IL1RAPL1: variants seen among roughly 807,000 people sequenced by gnomAD.
IL1RAPL1 encodes the protein interleukin 1 receptor accessory protein like 1.
IL1RAPL1 carries 3 observed loss-of-function variants against 48.4 expected under a neutral mutation model. That is an observed-to-expected ratio of 0.06 (90% CI 0.03 to 0.16). The LOEUF (loss-of-function observed/expected upper bound fraction) is 0.16, where lower values mean the gene tolerates loss of function less well. Among genes scored for constraint, IL1RAPL1 ranks in the 10% least tolerant of loss-of-function variants. IL1RAPL1 has a pLI of 1.00. For missense variants in IL1RAPL1, 349 were observed against 530.6 expected, an observed-to-expected ratio of 0.66 and a Z score of 3.36; for synonymous variants, 185 against 187.7, an observed-to-expected ratio of 0.99 and a Z score of 0.12.
chrX:28,909,502 T>G (rs2147331067), intron 2 of IL1RAPL1, among the ~76,000 whole-genome samples: 1 of 111,524 alleles, frequency 9.0e-6, no homozygotes, highest in African/African-American at 3.2e-5. Flanking sequence ...CCTCCTTATT[T>G]CCTTTTTATA....
chrX:28,785,127 T>C (rs1264990465), intron 1 of IL1RAPL1, among the ~76,000 whole-genome samples: 1 of 111,905 alleles, frequency 8.9e-6, no homozygotes, highest in East Asian at 2.8e-4. Flanking sequence ...CTGATACCAG[T>C]TGTCTTTTTT....
At chrX:29,020,532 A>C (rs1926340050) in intron 2 of IL1RAPL1, among the ~76,000 whole-genome samples, 1 of 112,261 alleles carries the variant, frequency 8.9e-6, no homozygotes, top group East Asian at 2.8e-4. Context: ...ATTCTCTGTG[A>C]TATTCACATG....
chrX:29,802,925 A>ATGTG (rs1569173147), intron 6 of IL1RAPL1, among the ~76,000 whole-genome samples: 9 of 52,552 alleles, frequency 1.7e-4, no homozygotes, highest in African/African-American at 7.1e-4. Flanking sequence ...GTACATATAT[A>ATGTG]CATATATGTG....
At chrX:29,274,769 T>C (rs1015911194) in intron 2 of IL1RAPL1, among the ~76,000 whole-genome samples, 4 of 111,376 alleles carry the variant, frequency 3.6e-5, no homozygotes, top group African/African-American at 9.8e-5. Context: ...ACAACACTTA[T>C]CTCTCGCCTT....
At chrX:29,258,682 C>T (rs1229401967) in intron 2 of IL1RAPL1, among the ~76,000 whole-genome samples, 1 of 110,820 alleles carries the variant, frequency 9.0e-6, no homozygotes, top group African/African-American at 3.3e-5. Flanking sequence ...AACATTCCCC[C>T]ACAGAGGCTC....
intron 6 of IL1RAPL1, among the ~76,000 whole-genome samples, chrX:29,743,002 A>G (rs928721633): frequency 9.1e-5 from 10 of 110,465 alleles, no homozygotes; most frequent in African/African-American, 2.6e-4. Flanking sequence ...CCTTCACTTG[A>G]AAGTGTGTTA....
intron 6 of IL1RAPL1, among the ~76,000 whole-genome samples, chrX:29,827,241 C>T: frequency 8.9e-6 from 1 of 112,255 alleles, no homozygotes; most frequent in Non-Finnish European, 1.9e-5. Flanking sequence ...TTACTCCTAG[C>T]AAATAGAATA....
intron 2 of IL1RAPL1, among the ~76,000 whole-genome samples, chrX:29,008,142 C>T (rs901354962): frequency 9.1e-6 from 1 of 109,891 alleles, no homozygotes; most frequent in Non-Finnish European, 1.9e-5. Context: ...GCTGAGATTA[C>T]AGGTGTGCAG....
intron 6 of IL1RAPL1, among the ~76,000 whole-genome samples, chrX:29,794,283 A>C (rs1166701690): frequency 3.6e-5 from 4 of 112,156 alleles, no homozygotes; most frequent in Non-Finnish European, 7.5e-5. Context: ...GTTAAAAAAA[A>C]AGATACTTTA....
intron 2 of IL1RAPL1, among the ~76,000 whole-genome samples, chrX:29,244,349 T>C (rs1442509137): frequency 8.9e-6 from 1 of 112,258 alleles, no homozygotes; most frequent in Admixed American, 9.5e-5. Flanking sequence ...TCAAAGCACT[T>C]GAACAAAGTA....
At chrX:29,211,096 A>T (rs1930760744) in intron 2 of IL1RAPL1, among the ~76,000 whole-genome samples, 1 of 94,941 alleles carries the variant, frequency 1.1e-5, no homozygotes, top group Non-Finnish European at 2.2e-5. Context: ...ACACAGAGTG[A>T]GAGAGAGAGA....
Position 28,725,475 on chromosome X carries a change from A to G in IL1RAPL1, c.-24-63845A>G, listed in dbSNP as rs1439844031. ...TTATTACCGGGTAATTATGATAGATATAACTCAGAATACGCATAGGTCAAG... is the reference window on the plus strand; with the variant it reads ...TTATTACCGGGTAATTATGATAGATGTAACTCAGAATACGCATAGGTCAAG... On this transcript the variant is annotated intron_variant, in intron 1 of 10. Coordinates refer to ENST00000378993, the MANE Select transcript of IL1RAPL1 (RefSeq NM_014271.4). 3.6e-5 allele frequency among the ~76,000 whole-genome samples: 4 copies of G among 111,988 alleles called. No homozygotes were observed. In the Admixed American group the frequency reaches 3.8e-4, roughly 11 times the overall value.
At chrX:29,490,464 C>T (rs988292384) in intron 5 of IL1RAPL1, among the ~76,000 whole-genome samples, 1 of 110,973 alleles carries the variant, frequency 9.0e-6, no homozygotes, top group Non-Finnish European at 1.9e-5. Context: ...ACTGGGGAGG[C>T]AGAGGTTACA....
intron 6 of IL1RAPL1, among the ~76,000 whole-genome samples, chrX:29,899,607 G>A (rs1422301754): frequency 3.7e-5 from 4 of 107,213 alleles, no homozygotes; most frequent in East Asian, 2.9e-4. Context: ...GCAGTGGCGC[G>A]ATCTCGGCTC....
In IL1RAPL1 at chrX:29,392,151, C is replaced by T. The variant is rs1933862112; in HGVS notation, c.363-4107C>T. Among the ~76,000 whole-genome samples the T allele has an allele frequency of 2.7e-5, 3 of 112,125 alleles. No homozygotes were observed. In the Admixed American group the frequency reaches 2.8e-4, roughly 11 times the overall value. Reference sequence around the variant, plus strand: ...CTCTGCCTGTATGCATGTCCTGTCTCTCTAGCCATTTTATAAATACTGAAA... The same window carrying T: ...CTCTGCCTGTATGCATGTCCTGTCTTTCTAGCCATTTTATAAATACTGAAA... On this transcript the variant is annotated intron_variant, in intron 3 of 10. Coordinates refer to ENST00000378993, the MANE Select transcript of IL1RAPL1 (RefSeq NM_014271.4).
At chrX:29,267,458 A>G (rs1250872898) in intron 2 of IL1RAPL1, among the ~76,000 whole-genome samples, 1 of 112,138 alleles carries the variant, frequency 8.9e-6, no homozygotes, top group Non-Finnish European at 1.9e-5. Context: ...AGTGGTAAAA[A>G]CAACACACAT....
intron 1 of IL1RAPL1, among the ~76,000 whole-genome samples, chrX:28,593,213 A>C (rs931967786): frequency 8.1e-5 from 9 of 111,343 alleles, no homozygotes; most frequent in African/African-American, 2.9e-4. Context: ...CCTTGTGTAG[A>C]CACAATATTC....
At chrX:28,939,542 G>A (rs770330949) in intron 2 of IL1RAPL1, among the ~76,000 whole-genome samples, 2 of 110,588 alleles carry the variant, frequency 1.8e-5, no homozygotes, top group Admixed American at 1.9e-4. Context: ...AGGGTGGAGG[G>A]TGGGAAGAGA....
intron 3 of IL1RAPL1, among the ~76,000 whole-genome samples, chrX:29,334,753 G>A (rs1932955926): frequency 8.8e-6 from 1 of 113,274 alleles, no homozygotes. Context: ...CTTCCTAGAT[G>A]GGATGGCGGC....
Sources: gnomAD v4.1 joint callset for allele counts (sites outside exome capture counted in the v4.1 genomes callset) on GRCh38, gnomAD v4.1.1 for gene constraint, MANE v1.5 for transcripts, NCBI Gene and HGNC (gene_info 2026-07-23, HGNC 2026-07-21) for gene names.